The following FAF1 variants were observed in gnomAD, a reference collection of about 807,000 sequenced individuals.
The protein encoded by FAF1 is Fas associated factor 1.
FAF1 carries 25 observed loss-of-function variants against 92.5 expected under a neutral mutation model. The ratio of observed to expected loss-of-function variants is 0.27; its 90% CI spans 0.20 to 0.38. The LOEUF (loss-of-function observed/expected upper bound fraction) is 0.38, where lower values mean the gene tolerates loss of function less well. Among genes scored for constraint, FAF1 ranks in the 10% least tolerant of loss-of-function variants. The pLI is 1.00. For synonymous variants in FAF1, 234 were observed against 273.2 expected (o/e 0.86, Z 1.42); for missense variants, 636 against 793.3 (o/e 0.80, Z 2.38).
Position 50,475,676 on chromosome 1 carries a change from T to C in FAF1, c.1657A>G (p.Ile553Val). Residue 553 changes from isoleucine (I) to valine (V), a missense_variant, in exon 18 of 19, where the codon ATC becomes GTC. By Grantham distance (29) the Ile-to-Val change is conservative. Around this residue, in one of 2 missense-constraint regions of FAF1, gnomAD observed 319 missense variants for 451.0 expected, o/e 0.71. Coordinates refer to ENST00000396153, the MANE Select transcript of FAF1 (RefSeq NM_007051.3). ...RKEQEEEREA[I>V]RLSLEQALPP... ...AGGGCTTGCTCTAAGGACAGCCGGA[T>C]GGCCTAGGGAGAGCAAAAACCAGGT... The C allele has an allele frequency of 6.2e-7, 1 of 1,610,582 alleles. No homozygotes were observed. The highest frequency in any genetic ancestry group is 8.5e-7 in the Non-Finnish European group (1 of 1,178,086).
intron 2 of FAF1, among the ~76,000 whole-genome samples, chr1:50,826,550 CAAA>C (rs551210493): frequency 1.2e-5 from 1 of 80,182 alleles, no homozygotes; most frequent in Non-Finnish European, 2.7e-5. Flanking sequence ...GACTCCGTCT[CAAA>C]AAAAAAAAAA....
intron 1 of FAF1, among the ~76,000 whole-genome samples, chr1:50,895,096 T>C (rs1644748143): frequency 6.6e-6 from 1 of 151,940 alleles, no homozygotes. Context: ...AACTAAAAGC[T>C]GGTTTTTAGA....
intron 2 of FAF1, among the ~76,000 whole-genome samples, chr1:50,847,980 G>C (rs1402087112): frequency 6.6e-6 from 1 of 151,638 alleles, no homozygotes; most frequent in Admixed American, 6.6e-5. Flanking sequence ...TGTCAACACA[G>C]AATTCCATAT....
intron 2 of FAF1, among the ~76,000 whole-genome samples, chr1:50,825,556 A>G (rs1016631578): frequency 5.3e-5 from 8 of 152,036 alleles, no homozygotes; most frequent in Non-Finnish European, 1.2e-4. Context: ...AAATAAATAG[A>G]AAACTCCATA....
chr1:50,920,269 T>A (rs1214324389), intron 1 of FAF1, among the ~76,000 whole-genome samples: 3 of 145,122 alleles, frequency 2.1e-5, no homozygotes, highest in Admixed American at 7.0e-5. Flanking sequence ...GCCACCACAC[T>A]CCAGCCTGGG....
chr1:50,663,694 C>T lies in FAF1; in HGVS notation c.658-8166G>A, dbSNP rs113053576. Reference sequence around the variant, plus strand: ...CTAGGATTACTGGCGTGAGCCACCGCGCCCGGCCAGAAGCACCGCTTTAGA... The same window carrying T: ...CTAGGATTACTGGCGTGAGCCACCGTGCCCGGCCAGAAGCACCGCTTTAGA... On this transcript the variant is annotated intron_variant, in intron 7 of 18. Coordinates refer to ENST00000396153, the MANE Select transcript of FAF1 (RefSeq NM_007051.3). Among the ~76,000 whole-genome samples, 1,012 of 151,610 alleles carry T rather than the reference C, an allele frequency of 6.7e-3. 54 individuals are homozygous for T. Among genetic ancestry groups the T allele is most frequent in the African/African-American group, 0.024 (967 of 41,006 alleles).
At chr1:50,468,797 T>G (rs982006313) in intron 18 of FAF1, among the ~76,000 whole-genome samples, 1 of 152,134 alleles carries the variant, frequency 6.6e-6, no homozygotes, top group African/African-American at 2.4e-5. Flanking sequence ...GGTTTCATCA[T>G]GTAGGCCAGG....
intron 7 of FAF1, among the ~76,000 whole-genome samples, chr1:50,674,436 T>A (rs1156375376): frequency 6.6e-6 from 1 of 152,216 alleles, no homozygotes. Context: ...AACTAAATAA[T>A]CATAAATCCT....
intron 1 of FAF1, among the ~76,000 whole-genome samples, chr1:50,887,100 T>C (rs1173776624): frequency 6.6e-6 from 1 of 152,206 alleles, no homozygotes; most frequent in Non-Finnish European, 1.5e-5. Flanking sequence ...TATCTGATTG[T>C]GGTTTTGATT....
At chr1:50,684,968 T>A (rs1656591207) in intron 7 of FAF1, among the ~76,000 whole-genome samples, 1 of 152,156 alleles carries the variant, frequency 6.6e-6, no homozygotes, top group African/African-American at 2.4e-5. Context: ...AGGCACAATA[T>A]CACTGTGTGG....
intron 2 of FAF1, among the ~76,000 whole-genome samples, chr1:50,804,038 T>A (rs2124596037): frequency 6.6e-6 from 1 of 152,276 alleles, no homozygotes; most frequent in East Asian, 1.9e-4. Context: ...GATTCCAACA[T>A]GTTCAATTTT....
intron 17 of FAF1, among the ~76,000 whole-genome samples, chr1:50,486,855 C>T (rs1646775132): frequency 1.3e-5 from 2 of 152,110 alleles, no homozygotes; most frequent in African/African-American, 2.4e-5. Flanking sequence ...AATTTCTCTG[C>T]TTACCAAAAA....
At chr1:50,469,139 A>T (rs1240035968) in intron 18 of FAF1, among the ~76,000 whole-genome samples, 1 of 152,194 alleles carries the variant, frequency 6.6e-6, no homozygotes, top group East Asian at 1.9e-4. Flanking sequence ...AGTTTTTATC[A>T]AATGACTTCT....
intron 1 of FAF1, among the ~76,000 whole-genome samples, chr1:50,957,347 CTTTTTTTTTT>C (rs1188286312): frequency 1.9e-5 from 2 of 104,232 alleles, no homozygotes; most frequent in East Asian, 2.7e-4. Context: ...TTTTCATTTT[CTTTTTTTTTT>C]TTTTTTTTTT....
chr1:50,612,373 G>A, intron 8 of FAF1: 1 of 1,238,000 alleles, frequency 8.1e-7, no homozygotes, highest in Non-Finnish European at 1.0e-6. Flanking sequence ...GATAAATAAA[G>A]AGGTTCCGTT....
intron 16 of FAF1, among the ~76,000 whole-genome samples, 156 bp from the exon 17 acceptor site, chr1:50,490,821 G>A (rs982916269): frequency 3.3e-5 from 5 of 152,080 alleles, no homozygotes; most frequent in South Asian, 2.1e-4. Flanking sequence ...TTGTGGTAAC[G>A]GAAATGTTTC....
At position 50,609,290 on chromosome 1, in the gene FAF1, A is replaced by G. The variant is rs12058275; in HGVS notation, c.745-13074T>C. Among the ~76,000 whole-genome samples, 377 of 152,296 alleles carry G rather than the reference A, an allele frequency of 2.5e-3. 3 individuals carry two copies. The highest frequency in any genetic ancestry group is 8.6e-3 in the African/African-American group (357 of 41,558). On this transcript the variant is annotated intron_variant, in intron 8 of 18. Coordinates refer to ENST00000396153, the MANE Select transcript of FAF1 (RefSeq NM_007051.3). ...GAATGAACCTGGCATAGCTTGCCAC[A>G]CCGCCATTTCACAGACAAGAAAAAT...
chr1:50,719,143 G>T (rs1332202626), intron 6 of FAF1, among the ~76,000 whole-genome samples: 3 of 152,072 alleles, frequency 2.0e-5, no homozygotes, highest in Non-Finnish European at 4.4e-5. Flanking sequence ...AATTGTCTCA[G>T]GAACAGCATA....
intron 13 of FAF1, among the ~76,000 whole-genome samples, chr1:50,546,241 AG>A (rs1649010096): frequency 6.6e-6 from 1 of 152,228 alleles, no homozygotes; most frequent in Non-Finnish European, 1.5e-5. Flanking sequence ...GCCATTAAAT[AG>A]ATTTCTTTAT....
Sources: allele counts gnomAD v4.1 joint callset (sites outside exome capture counted in the v4.1 genomes callset), GRCh38; gene constraint gnomAD v4.1.1; regional missense constraint gnomAD v4.1.1; transcripts MANE v1.5; gene names NCBI Gene and HGNC (gene_info 2026-07-23, HGNC 2026-07-21).